SLAIN2: variants seen among roughly 807,000 people sequenced by gnomAD.
The protein encoded by SLAIN2 is SLAIN motif-containing protein 2.
Under a neutral mutation model 56.6 loss-of-function variants are expected in SLAIN2, and 31 were observed. The observed-to-expected ratio is 0.55, with a 90% CI of 0.41 to 0.74. The LOEUF (loss-of-function observed/expected upper bound fraction) is 0.74. SLAIN2 is among the 30% of genes least tolerant of loss of function. The pLI is 0.00. For synonymous variants in SLAIN2, 317 were observed against 284.9 expected (o/e 1.11, Z -1.13); for missense variants, 777 against 754.2 (o/e 1.03, Z -0.35).
At position 48,425,989 on chromosome 4, in the gene SLAIN2, T is replaced by G. The variant is rs1200606882; in HGVS notation, c.*3912T>G. 6.6e-6 allele frequency: 1 copy of G among 152,162 alleles called. No homozygotes were observed. Among genetic ancestry groups the G allele is most frequent in the Non-Finnish European group, 1.5e-5 (1 of 68,028 alleles). The allele number at this position is 152,162 out of a possible 1,614,324, so 9.4% of individuals were successfully genotyped here. A position where few individuals can be genotyped will look rare whatever the true frequency, so the allele number is the denominator to read the frequency against. ...AAATAAAAAAATCTGTTTCTTCTGA[T>G]TTCGAAAGTAATAGAAACTCTGCTG... On this transcript the variant is annotated 3_prime_UTR_variant, in exon 8 of 8. Coordinates refer to ENST00000264313, the MANE Select transcript of SLAIN2 (RefSeq NM_020846.2).
chr4:48,407,599 G>C (rs943215248), intron 6 of SLAIN2, among the ~76,000 whole-genome samples: 2 of 151,954 alleles, frequency 1.3e-5, no homozygotes, highest in African/African-American at 4.8e-5. Context: ...CACTTAGCTT[G>C]ATTTAAGACT....
intron 6 of SLAIN2, among the ~76,000 whole-genome samples, chr4:48,402,717 T>C (rs1297595217): frequency 6.6e-6 from 1 of 152,216 alleles, no homozygotes; most frequent in Non-Finnish European, 1.5e-5. Flanking sequence ...AGAACCCTAC[T>C]TCTGTCAATT....
intron 1 of SLAIN2, among the ~76,000 whole-genome samples, chr4:48,363,928 C>A (rs1383458155): frequency 1.4e-4 from 16 of 118,212 alleles, no homozygotes; most frequent in Admixed American, 2.3e-4. Context: ...GGGGGGCTGA[C>A]CCCCCCACCT....
chr4:48,404,894 A>AT (rs1359417613), intron 6 of SLAIN2, among the ~76,000 whole-genome samples: 1 of 152,010 alleles, frequency 6.6e-6, no homozygotes, highest in Non-Finnish European at 1.5e-5. Context: ...GCCGTGAAAC[A>AT]TTTTTTCCAA....
intron 6 of SLAIN2, among the ~76,000 whole-genome samples, chr4:48,390,184 C>T (rs964082915): frequency 2.6e-5 from 4 of 151,692 alleles, no homozygotes; most frequent in Admixed American, 6.6e-5. Flanking sequence ...CAGCAATTCC[C>T]CTGCCTCAGC....
At chr4:48,402,459 C>T (rs1315187305) in intron 6 of SLAIN2, among the ~76,000 whole-genome samples, 1 of 151,848 alleles carries the variant, frequency 6.6e-6, no homozygotes, top group Non-Finnish European at 1.5e-5. Context: ...CACATTTGTT[C>T]ATTCCTTTTT....
intron 6 of SLAIN2, among the ~76,000 whole-genome samples, chr4:48,413,995 C>A (rs1393790575): frequency 2.0e-5 from 3 of 152,056 alleles, no homozygotes; most frequent in Non-Finnish European, 2.9e-5. Context: ...AAACTTAGCA[C>A]AATTATTAAA....
intron 1 of SLAIN2, among the ~76,000 whole-genome samples, chr4:48,344,629 G>C (rs1300119197): frequency 6.6e-6 from 1 of 152,018 alleles, no homozygotes; most frequent in Non-Finnish European, 1.5e-5. Context: ...ACTTAATTGA[G>C]CTCCCAAGGA....
intron 6 of SLAIN2, among the ~76,000 whole-genome samples, chr4:48,416,686 A>C (rs1717004535): frequency 2.0e-5 from 3 of 151,406 alleles, no homozygotes; most frequent in African/African-American, 7.3e-5. Flanking sequence ...ACTAGAACTC[A>C]GGATTAAAAA....
rs375695527 is a variant in SLAIN2 at position 48,398,728 on chromosome 4, C to T, written c.1360+14944C>T. Among the ~76,000 whole-genome samples, 27 of 152,316 alleles carry T rather than the reference C, an allele frequency of 1.8e-4. No homozygotes were observed. The East Asian group carries it at 3.7e-3, about 21-fold the overall frequency. On this transcript the variant is annotated intron_variant, in intron 6 of 7. Coordinates refer to ENST00000264313, the MANE Select transcript of SLAIN2 (RefSeq NM_020846.2). Reference sequence around the variant, plus strand: ...TTCTGCATATGGCTAGCCTGTTCTCCTAGCACCATTTATTAAATAGGGAAT... The same window carrying T: ...TTCTGCATATGGCTAGCCTGTTCTCTTAGCACCATTTATTAAATAGGGAAT...
chr4:48,363,775 G>C (rs1234816902), intron 1 of SLAIN2, among the ~76,000 whole-genome samples: 8 of 136,220 alleles, frequency 5.9e-5, no homozygotes, highest in Admixed American at 6.9e-5. Context: ...TCCCGGACGG[G>C]GCGGCTGGCC....
intron 1 of SLAIN2, among the ~76,000 whole-genome samples, chr4:48,363,574 A>C (rs867398526): frequency 4.3e-4 from 21 of 48,924 alleles, no homozygotes; most frequent in Admixed American, 9.8e-4. Flanking sequence ...GGAGGGCTGA[A>C]CCCCCCACCT....
chr4:48,400,423 GT>G (rs1716519260), intron 6 of SLAIN2, among the ~76,000 whole-genome samples: 1 of 113,884 alleles, frequency 8.8e-6, no homozygotes, highest in Admixed American at 1.2e-4. Flanking sequence ...TTGAGACAGA[GT>G]CTTGCTCTGT....
intron 2 of SLAIN2, among the ~76,000 whole-genome samples, chr4:48,371,587 C>T (rs1715665186): frequency 6.6e-6 from 1 of 151,986 alleles, no homozygotes; most frequent in Admixed American, 6.5e-5. Flanking sequence ...TGCCACAGAA[C>T]ATTAAGTATG....
At chr4:48,390,083 T>TA (rs1265819069) in intron 6 of SLAIN2, among the ~76,000 whole-genome samples, 3 of 126,058 alleles carry the variant, frequency 2.4e-5, no homozygotes, top group Non-Finnish European at 4.9e-5. Flanking sequence ...TTTTTCTTTT[T>TA]CTTTTTTTTT....
chr4:48,411,889 TC>T (rs1431748185), intron 6 of SLAIN2, among the ~76,000 whole-genome samples: 2 of 152,214 alleles, frequency 1.3e-5, no homozygotes, highest in East Asian at 1.9e-4. Flanking sequence ...AGTGACTTCT[TC>T]CTACCCACTT....
Position 48,424,863 on chromosome 4 carries a change from A to G in SLAIN2, c.*2786A>G, listed in dbSNP as rs1040316168. 16 of 152,120 alleles carry G rather than the reference A, an allele frequency of 1.1e-4. No individual in the cohort carries two copies. Among genetic ancestry groups the G allele is most frequent in the African/African-American group, 3.6e-4 (15 of 41,446 alleles). The allele number at this position is 152,120 out of a possible 1,614,324, so 9.4% of individuals were successfully genotyped here. ...GATCTAGACTATGTATGTTTAAATT[A>G]ACTTTTTATTGAATGTACAGGTGTC... On this transcript the variant is annotated 3_prime_UTR_variant, in exon 8 of 8. Coordinates refer to ENST00000264313, the MANE Select transcript of SLAIN2 (RefSeq NM_020846.2).
intron 6 of SLAIN2, among the ~76,000 whole-genome samples, chr4:48,408,957 T>C (rs978387704): frequency 6.6e-6 from 1 of 152,230 alleles, no homozygotes; most frequent in Non-Finnish European, 1.5e-5. Context: ...TGTTTGGATA[T>C]GCAAATGCCG....
chr4:48,388,847 C>G (rs1716163937), intron 6 of SLAIN2, among the ~76,000 whole-genome samples: 1 of 152,158 alleles, frequency 6.6e-6, no homozygotes, highest in African/African-American at 2.4e-5. Flanking sequence ...TATCCATTTG[C>G]TTACATTTAG....
Sources: allele counts gnomAD v4.1 joint callset (sites outside exome capture counted in the v4.1 genomes callset), GRCh38; gene constraint gnomAD v4.1.1; transcripts MANE v1.5; gene names NCBI Gene and HGNC (gene_info 2026-07-23, HGNC 2026-07-21).